Variants in TECRL observed in about 807,000 individuals in gnomAD.
TECRL encodes the protein trans-2,3-enoyl-CoA reductase like.
In TECRL, 63 loss-of-function variants were observed where a neutral mutation model predicts 52.8. That is an observed-to-expected ratio of 1.19 (90% CI 0.97 to 1.47). The LOEUF is 1.47. TECRL is among the 40% of genes most tolerant of loss of function. The pLI, the probability that TECRL is intolerant of heterozygous loss-of-function variation, is 0.00. For synonymous variants in TECRL, 164 were observed against 141.9 expected, an observed-to-expected ratio of 1.16 and a Z score of -1.10; for missense variants, 482 against 429.6, an observed-to-expected ratio of 1.12 and a Z score of -1.08.
chr4:64,385,688 T>G (rs1723129819), intron 1 of TECRL, among the ~76,000 whole-genome samples: 2 of 152,108 alleles, frequency 1.3e-5, no homozygotes, highest in African/African-American at 2.4e-5. Context: ...GCTCTCAAAA[T>G]GGAGCAGTGC....
At chr4:64,306,715 T>A (rs1724361562) in intron 6 of TECRL, among the ~76,000 whole-genome samples, 1 of 152,202 alleles carries the variant, frequency 6.6e-6, no homozygotes, top group Non-Finnish European at 1.5e-5. Context: ...TATTTCTCCC[T>A]GGGTGACTAT....
At chr4:64,390,093 G>T (rs1723445889) in intron 1 of TECRL, among the ~76,000 whole-genome samples, 1 of 151,842 alleles carries the variant, frequency 6.6e-6, no homozygotes, top group Non-Finnish European at 1.5e-5. Flanking sequence ...CCCGGTATTT[G>T]CCTGTTACAG....
At chr4:64,344,142 C>A (rs936885422) in intron 2 of TECRL, among the ~76,000 whole-genome samples, 6 of 151,380 alleles carry the variant, frequency 4.0e-5, no homozygotes, top group African/African-American at 1.5e-4. Context: ...AGGACAAAAT[C>A]ATAGGAAAAA....
At chr4:64,379,756 C>A (rs1722649212) in intron 1 of TECRL, among the ~76,000 whole-genome samples, 1 of 152,074 alleles carries the variant, frequency 6.6e-6, no homozygotes, top group Admixed American at 6.6e-5. Flanking sequence ...ATTTGTCTTT[C>A]AATGCCTGGC....
At chr4:64,383,426 T>C (rs1232331633) in intron 1 of TECRL, among the ~76,000 whole-genome samples, 1 of 152,116 alleles carries the variant, frequency 6.6e-6, no homozygotes, top group East Asian at 1.9e-4. Context: ...GCCCCATATG[T>C]CAGGCAGGCT....
intron 4 of TECRL, among the ~76,000 whole-genome samples, chr4:64,319,281 C>T (rs1035169077): frequency 6.6e-6 from 1 of 151,368 alleles, no homozygotes; most frequent in African/African-American, 2.4e-5. Flanking sequence ...TAGATTTAGA[C>T]ATTAAAAATG....
intron 1 of TECRL, among the ~76,000 whole-genome samples, chr4:64,406,366 T>C (rs1724726994): frequency 6.6e-6 from 1 of 151,940 alleles, no homozygotes; most frequent in African/African-American, 2.4e-5. Context: ...TCATTTAAGA[T>C]ATTTGATAAA....
chr4:64,381,404 G>T (rs1409701254), intron 1 of TECRL, among the ~76,000 whole-genome samples: 3 of 145,094 alleles, frequency 2.1e-5, no homozygotes, highest in Non-Finnish European at 4.5e-5. Context: ...TTTCCTGATT[G>T]CTCTGAATAG....
chr4:64,309,614 T>C (rs1192174493), intron 6 of TECRL, among the ~76,000 whole-genome samples: 2 of 152,180 alleles, frequency 1.3e-5, no homozygotes, highest in Non-Finnish European at 2.9e-5. Context: ...TGTCTTGTAA[T>C]ATGAGGTAAT....
intron 6 of TECRL, among the ~76,000 whole-genome samples, chr4:64,309,046 G>A (rs908519625): frequency 3.3e-5 from 5 of 152,090 alleles, no homozygotes; most frequent in Non-Finnish European, 7.4e-5. Flanking sequence ...TTTAGGAGTT[G>A]TAGTCTATAA....
chr4:64,327,714 G>C (rs183800411), intron 3 of TECRL, among the ~76,000 whole-genome samples: 20 of 151,990 alleles, frequency 1.3e-4, no homozygotes, highest in Admixed American at 2.6e-4. Context: ...GAAAACACTC[G>C]TAACAGTTTC....
chr4:64,355,415 TAA>T (rs67458196), intron 2 of TECRL, among the ~76,000 whole-genome samples: 3 of 151,224 alleles, frequency 2.0e-5, no homozygotes, highest in African/African-American at 7.3e-5. Flanking sequence ...CTCTCCAAAT[TAA>T]AAAAAAAATT....
rs148236080 is a variant in TECRL, at chr4:64,392,255, A to G, written c.234+16863T>C. Among the ~76,000 whole-genome samples, 87 of 152,072 alleles carry G rather than the reference A, an allele frequency of 5.7e-4. No individual in the cohort carries two copies. In the East Asian group the frequency reaches 0.015, roughly 27 times the overall value. ...TCATCAGCACAAAACATGTTACTTC[A>G]GGGAGGTAGGTGAATTAAATCCTAC... On this transcript the variant is annotated intron_variant, in intron 1 of 11. Transcript: ENST00000381210.
chr4:64,302,923 C>T (rs1337902215), intron 7 of TECRL, among the ~76,000 whole-genome samples: 3 of 150,866 alleles, frequency 2.0e-5, no homozygotes, highest in Admixed American at 2.0e-4. Flanking sequence ...ATATCTTTTA[C>T]TGTTAAAATA....
intron 9 of TECRL, 77 bp downstream of exon 9, chr4:64,289,633 A>G (rs1723266752): frequency 4.3e-6 from 5 of 1,153,340 alleles, no homozygotes; most frequent in Non-Finnish European, 4.8e-6. Flanking sequence ...ATTTTTAAAG[A>G]TTTTTTGAAG....
At chr4:64,373,915 T>C (rs1384997150) in intron 2 of TECRL, among the ~76,000 whole-genome samples, 1 of 148,326 alleles carries the variant, frequency 6.7e-6, no homozygotes, top group African/African-American at 2.5e-5. Context: ...CCAAAAATAC[T>C]TATATATACT....
chr4:64,302,907 A>G (rs1724104613), intron 7 of TECRL, among the ~76,000 whole-genome samples: 3 of 151,230 alleles, frequency 2.0e-5, no homozygotes, highest in Admixed American at 1.3e-4. Flanking sequence ...CTCTTTAATT[A>G]TTATTATATC....
At chr4:64,314,085 G>A (rs561171752) in intron 5 of TECRL, among the ~76,000 whole-genome samples, 63 of 151,342 alleles carry the variant, frequency 4.2e-4, no homozygotes, top group African/African-American at 1.5e-3. Context: ...GGGAGGCGGA[G>A]CGTGCAGTGA....
intron 2 of TECRL, among the ~76,000 whole-genome samples, chr4:64,333,190 C>A (rs1718770718): frequency 6.6e-6 from 1 of 151,384 alleles, no homozygotes; most frequent in Non-Finnish European, 1.5e-5. Context: ...GATTAAAAAA[C>A]AAAAAATGTC....
Sources: gnomAD v4.1 joint callset for allele counts (sites outside exome capture counted in the v4.1 genomes callset) on GRCh38, gnomAD v4.1.1 for gene constraint, MANE v1.5 for transcripts, NCBI Gene and HGNC (gene_info 2026-07-23, HGNC 2026-07-21) for gene names.